The following DTNA variants were observed in gnomAD, a reference collection of about 807,000 sequenced individuals.
The protein encoded by DTNA is dystrophin-related protein 3.
In DTNA, 43 loss-of-function variants were observed where a neutral mutation model predicts 100.7. The observed-to-expected ratio is 0.43, with a 90% CI of 0.33 to 0.55. DTNA has a LOEUF of 0.55. Ranked by LOEUF, DTNA falls within the 20% of genes least tolerant of loss-of-function variation. DTNA has a pLI of 0.04. For synonymous variants in DTNA, 349 were observed against 347.9 expected (o/e 1.00, Z -0.04); for missense variants, 798 against 953.9 (o/e 0.84, Z 2.15).
At chr18:34,849,073 G>A (rs1441594303) in intron 14 of DTNA, among the ~76,000 whole-genome samples, 3 of 152,186 alleles carry the variant, frequency 2.0e-5, no homozygotes, top group East Asian at 3.8e-4. Context: ...TGTGACATCC[G>A]TGACTGTAAC....
At chr18:34,674,033 G>T (rs1054502841) in intron 1 of DTNA, among the ~76,000 whole-genome samples, 3 of 152,182 alleles carry the variant, frequency 2.0e-5, no homozygotes, top group Non-Finnish European at 2.9e-5. Flanking sequence ...GCTGTGATTT[G>T]ATGGAAATGA....
chr18:34,692,297 G>A (rs1053331058), intron 1 of DTNA, among the ~76,000 whole-genome samples: 1 of 152,192 alleles, frequency 6.6e-6, no homozygotes, highest in Non-Finnish European at 1.5e-5. Context: ...GTGGCACTCT[G>A]TGCCAAGCAC....
At chr18:34,553,158 T>TG (rs1390363879) in intron 1 of DTNA, among the ~76,000 whole-genome samples, 17 of 151,524 alleles carry the variant, frequency 1.1e-4, no homozygotes, top group Non-Finnish European at 1.5e-5. Context: ...ATGTGTTTTT[T>TG]GGCTGCATAA....
Position 34,820,776 on chromosome 18 carries a change from CCTT to C in DTNA, c.877-8_877-6del. 6.2e-7 allele frequency: 1 copy of C among 1,614,128 alleles called. No individual in the cohort carries two copies. The highest frequency in any genetic ancestry group is 8.5e-7 in the Non-Finnish European group (1 of 1,179,982). ...TATTAGCTGTTGTCACTTCTGCCTTCCTTCTTCTTTCCAGAAATCACCTGCTAA... is the reference window on the plus strand; with the variant it reads ...TATTAGCTGTTGTCACTTCTGCCTTCCTTCTTTCCAGAAATCACCTGCTAA... On this transcript the variant is annotated splice_polypyrimidine_tract_variant and intron_variant, in intron 8 of 22. Coordinates refer to ENST00000444659, the MANE Select transcript of DTNA (RefSeq NM_001386795.1).
Position 34,787,622 on chromosome 18 carries a change from T to G in DTNA, c.149-6415T>G, listed in dbSNP as rs2094553593. ...TTTTAGCACTTTTCCTACGGATGCTTGGATTTAAGTCATCTCTGTGAATGA... is the reference window on the plus strand; with the variant it reads ...TTTTAGCACTTTTCCTACGGATGCTGGGATTTAAGTCATCTCTGTGAATGA... On this transcript the variant is annotated intron_variant, in intron 3 of 22. Transcript: ENST00000444659. Among the ~76,000 whole-genome samples, 7 of 152,308 alleles carry G rather than the reference T, an allele frequency of 4.6e-5. No homozygotes were observed. The South Asian group carries it at 1.5e-3, about 32-fold the overall frequency.
chr18:34,825,123 T>C, intron 9 of DTNA: 2 of 1,108,584 alleles, frequency 1.8e-6, no homozygotes, highest in African/African-American at 1.5e-5. Flanking sequence ...AGAGAGGTGC[T>C]GCCAGTCATG....
At chr18:34,656,405 GGTAAAT>G (rs2074377563) in intron 1 of DTNA, among the ~76,000 whole-genome samples, 1 of 152,128 alleles carries the variant, frequency 6.6e-6, no homozygotes, top group Non-Finnish European at 1.5e-5. Flanking sequence ...TTCTTCTTAC[GGTAAAT>G]GTCTGACAAT....
intron 1 of DTNA, among the ~76,000 whole-genome samples, chr18:34,652,325 A>G (rs1291354344): frequency 6.6e-6 from 1 of 152,094 alleles, no homozygotes; most frequent in African/African-American, 2.4e-5. Flanking sequence ...AGAACTCATC[A>G]ATGAGTTCTC....
At chr18:34,761,845 T>C (rs2093193071) in intron 2 of DTNA, among the ~76,000 whole-genome samples, 2 of 152,170 alleles carry the variant, frequency 1.3e-5, no homozygotes, top group African/African-American at 4.8e-5. Flanking sequence ...ATCACTTAGA[T>C]CAGTTGAATC....
intron 1 of DTNA, among the ~76,000 whole-genome samples, chr18:34,586,733 A>G (rs910352058): frequency 6.6e-6 from 1 of 152,220 alleles, no homozygotes; most frequent in African/African-American, 2.4e-5. Context: ...TTTTGCTCCA[A>G]AACCAAATTT....
At chr18:34,669,935 G>A (rs1599884159) in intron 1 of DTNA, among the ~76,000 whole-genome samples, 3 of 152,124 alleles carry the variant, frequency 2.0e-5, no homozygotes. Context: ...GAGTATCTTT[G>A]TGGCATTCTC....
At chr18:34,743,184 A>G (rs1394852590) in intron 1 of DTNA, among the ~76,000 whole-genome samples, 1 of 152,176 alleles carries the variant, frequency 6.6e-6, no homozygotes, top group East Asian at 1.9e-4. Flanking sequence ...TATTCCTGTC[A>G]TAGCCAGTCA....
intron 3 of DTNA, among the ~76,000 whole-genome samples, chr18:34,773,075 C>T (rs1438913705): frequency 6.6e-6 from 1 of 152,192 alleles, no homozygotes; most frequent in Non-Finnish European, 1.5e-5. Flanking sequence ...GCTAGAGTGT[C>T]CTCTCTGACT....
chr18:34,623,772 G>GAAGGCATCA (rs2056904036), intron 1 of DTNA, among the ~76,000 whole-genome samples: 1 of 152,220 alleles, frequency 6.6e-6, no homozygotes, highest in South Asian at 2.1e-4. Context: ...TGCTGAGAGA[G>GAAGGCATCA]AAGGCATCAT....
chr18:34,565,152 T>A lies in DTNA; in HGVS notation c.-2+71638T>A, dbSNP rs117285173. 1.0e-3 allele frequency among the ~76,000 whole-genome samples: 153 copies of A among 152,328 alleles called. No homozygotes were observed. The East Asian group carries it at 0.027, about 27-fold the overall frequency. ...AGAATACAACTGTGCTAAAATAATTTAAATGACTTGAGAGATCTGCCTTTA... is the reference window on the plus strand; with the variant it reads ...AGAATACAACTGTGCTAAAATAATTAAAATGACTTGAGAGATCTGCCTTTA... On this transcript the variant is annotated intron_variant, in intron 1 of 19. Transcript: ENST00000283365.
chr18:34,556,846 G>A (rs1444641402), intron 1 of DTNA, among the ~76,000 whole-genome samples: 1 of 150,850 alleles, frequency 6.6e-6, no homozygotes, highest in Non-Finnish European at 1.5e-5. Context: ...ACAATTATGT[G>A]TCTTGGAGTT....
intron 1 of DTNA, among the ~76,000 whole-genome samples, chr18:34,599,746 C>T (rs28532586): frequency 0.078 from 11,857 of 152,132 alleles, 577 homozygotes; most frequent in African/African-American, 0.12. Context: ...GTACAGCTGT[C>T]AGCTCACTGC....
chr18:34,595,941 G>A (rs2050508261), intron 1 of DTNA, among the ~76,000 whole-genome samples: 1 of 152,178 alleles, frequency 6.6e-6, no homozygotes, highest in Non-Finnish European at 1.5e-5. Flanking sequence ...CTCCCCTAAA[G>A]GAGAGTATGA....
chr18:34,859,944 A>G (rs77750698), intron 16 of DTNA, among the ~76,000 whole-genome samples: 3,786 of 152,346 alleles, frequency 0.025, 61 homozygotes, highest in Non-Finnish European at 0.037. Context: ...GGCAAACAAC[A>G]CAAAAATAAA....
Sources: allele counts gnomAD v4.1 joint callset (sites outside exome capture counted in the v4.1 genomes callset), GRCh38; gene constraint gnomAD v4.1.1; transcripts MANE v1.5; gene names NCBI Gene and HGNC (gene_info 2026-07-23, HGNC 2026-07-21).